Variants in WDR7 observed in about 807,000 individuals in gnomAD.
The protein encoded by WDR7 is WD repeat domain 7, also known as WD repeat-containing protein 7.
WDR7 carries 46 observed loss-of-function variants against 169.4 expected under a neutral mutation model. The ratio of observed to expected loss-of-function variants is 0.27; its 90% CI spans 0.21 to 0.35. The LOEUF (loss-of-function observed/expected upper bound fraction) is 0.35, where lower values mean the gene tolerates loss of function less well. WDR7 is among the 10% of genes least tolerant of loss of function. The pLI is 1.00. For missense variants in WDR7, 1,534 were observed against 1,859.3 expected (o/e 0.83, Z 3.22); for synonymous variants, 612 against 666.8 (o/e 0.92, Z 1.27).
chr18:56,909,228 T>C (rs1283862280), intron 21 of WDR7, among the ~76,000 whole-genome samples: 1 of 87,802 alleles, frequency 1.1e-5, no homozygotes, highest in African/African-American at 3.0e-5. Context: ...CCATAGATTT[T>C]TAGTCACTGG....
intron 20 of WDR7, among the ~76,000 whole-genome samples, chr18:56,839,825 G>A (rs1279817354): frequency 6.6e-6 from 1 of 152,174 alleles, no homozygotes; most frequent in Non-Finnish European, 1.5e-5. Flanking sequence ...CATTTTGCAA[G>A]GCTGAGGCAG....
chr18:56,722,408 A>G (rs2026341821), intron 13 of WDR7, among the ~76,000 whole-genome samples: 1 of 152,202 alleles, frequency 6.6e-6, no homozygotes, highest in African/African-American at 2.4e-5. Flanking sequence ...ACCCTTTGCC[A>G]GTAGTATCTA....
intron 21 of WDR7, among the ~76,000 whole-genome samples, chr18:56,893,021 T>A (rs1279317701): frequency 6.6e-6 from 1 of 152,004 alleles, no homozygotes; most frequent in African/African-American, 2.4e-5. Flanking sequence ...TTATAATAAT[T>A]TTTTGGTCTA....
chr18:56,774,695 A>G (rs927105482), intron 16 of WDR7, among the ~76,000 whole-genome samples: 2 of 152,150 alleles, frequency 1.3e-5, no homozygotes, highest in African/African-American at 4.8e-5. Flanking sequence ...TGAAAGCTGT[A>G]GCAGAGTTTA....
Position 56,660,038 on chromosome 18 carries a change from A to G in WDR7, c.-20+8462A>G, listed in dbSNP as rs867575580. ...AGGATTCTGGATATGATTTGAAGGT[A>G]TAGCCAGTGGAGTTTACTGATGGAT... On this transcript the variant is annotated intron_variant, in intron 1 of 27. Transcript: ENST00000254442. Among the ~76,000 whole-genome samples the G allele has an allele frequency of 3.3e-5, 5 of 152,298 alleles. No individual in the cohort carries two copies. In the Middle Eastern group the frequency reaches 0.014, roughly 414 times the overall value.
chr18:56,907,442 G>A (rs371928655), intron 21 of WDR7, among the ~76,000 whole-genome samples: 3 of 152,156 alleles, frequency 2.0e-5, no homozygotes, highest in South Asian at 2.1e-4. Flanking sequence ...GATTCTGGAC[G>A]TGCCGTGACG....
intron 13 of WDR7, among the ~76,000 whole-genome samples, chr18:56,727,572 A>T (rs368207086): frequency 1.3e-5 from 2 of 152,226 alleles, no homozygotes; most frequent in South Asian, 4.1e-4. Flanking sequence ...AAATCATCAG[A>T]TCTTGTGAGA....
intron 25 of WDR7, among the ~76,000 whole-genome samples, chr18:56,949,848 A>G (rs1477088684): frequency 6.6e-6 from 1 of 152,222 alleles, no homozygotes; most frequent in Admixed American, 6.5e-5. Flanking sequence ...TGCATTTAAC[A>G]ATATTAAAAT....
intron 21 of WDR7, among the ~76,000 whole-genome samples, chr18:56,897,420 A>G (rs2046345255): frequency 6.6e-6 from 1 of 152,004 alleles, no homozygotes; most frequent in Non-Finnish European, 1.5e-5. Flanking sequence ...ATGGAAAAAG[A>G]ATGAACTTTT....
At chr18:56,990,604 A>C (rs2047797214) in intron 26 of WDR7, among the ~76,000 whole-genome samples, 2 of 152,202 alleles carry the variant, frequency 1.3e-5, no homozygotes, top group Admixed American at 1.3e-4. Context: ...TATAGGTACT[A>C]TTCTGTCTGC....
chr18:56,659,407 T>G (rs1286079791), intron 1 of WDR7, among the ~76,000 whole-genome samples: 1 of 152,194 alleles, frequency 6.6e-6, no homozygotes, highest in Non-Finnish European at 1.5e-5. Flanking sequence ...ATTCCTTCTA[T>G]GTGGAAGGAA....
chr18:56,752,403 G>A (rs2043809284), intron 14 of WDR7, among the ~76,000 whole-genome samples: 1 of 152,068 alleles, frequency 6.6e-6, no homozygotes, highest in Admixed American at 6.5e-5. Context: ...AGATGGAGCT[G>A]GTACTTTCTC....
intron 1 of WDR7, among the ~76,000 whole-genome samples, chr18:56,653,273 C>G (rs2024695344): frequency 6.6e-6 from 1 of 151,774 alleles, no homozygotes; most frequent in African/African-American, 2.4e-5. Context: ...GTGGCGTGAT[C>G]TCAGCTCACT....
intron 12 of WDR7, among the ~76,000 whole-genome samples, chr18:56,696,937 A>G (rs2025717110): frequency 6.6e-6 from 1 of 152,236 alleles, no homozygotes; most frequent in Admixed American, 6.5e-5. Context: ...ACAGTCACTG[A>G]TGATGATTTT....
chr18:56,961,605 C>T (rs1014867689), intron 25 of WDR7, among the ~76,000 whole-genome samples: 1 of 152,076 alleles, frequency 6.6e-6, no homozygotes, highest in Non-Finnish European at 1.5e-5. Context: ...AGGCCTCAGC[C>T]ATGTAGACGT....
chr18:56,703,805 GT>G (rs527779764), intron 12 of WDR7, among the ~76,000 whole-genome samples: 48 of 145,966 alleles, frequency 3.3e-4, no homozygotes, highest in South Asian at 8.6e-4. Flanking sequence ...TTGCTTTAAA[GT>G]TTTTTTTTTT....
intron 14 of WDR7, among the ~76,000 whole-genome samples, chr18:56,736,561 G>A (rs555862827): frequency 7.3e-5 from 11 of 150,748 alleles, no homozygotes; most frequent in South Asian, 2.1e-4. Context: ...TCATACAGAC[G>A]GATTCTAGAT....
rs114201938 is a variant in WDR7 at position 56,823,655 on chromosome 18, C to G, written c.3304+7511C>G. On this transcript the variant is annotated intron_variant, in intron 20 of 27. Transcript: ENST00000254442. ...ACCTCACCTTCTTTCATATGTATAC[C>G]TCAGTTAAAGGCACATCACTAATGG... Among the ~76,000 whole-genome samples the G allele has an allele frequency of 8.0e-3, 1,220 of 152,190 alleles. 13 individuals are homozygous for G. Among genetic ancestry groups the G allele is most frequent in the African/African-American group, 0.028 (1,176 of 41,502 alleles).
At chr18:56,740,108 C>A (rs555721380) in intron 14 of WDR7, among the ~76,000 whole-genome samples, 122 of 152,084 alleles carry the variant, frequency 8.0e-4, no homozygotes, top group Non-Finnish European at 1.6e-3. Flanking sequence ...ATTTTGTAAT[C>A]TTTGTCTCCC....
Sources: gnomAD v4.1 joint callset for allele counts (sites outside exome capture counted in the v4.1 genomes callset) on GRCh38, gnomAD v4.1.1 for gene constraint, MANE v1.5 for transcripts, NCBI Gene and HGNC (gene_info 2026-07-23, HGNC 2026-07-21) for gene names.